CADM1: variants seen among roughly 807,000 people sequenced by gnomAD.
CADM1 encodes the protein TSLC-1.
Under a neutral mutation model 53.1 loss-of-function variants are expected in CADM1, and 15 were observed. The observed-to-expected ratio is 0.28, with a 90% confidence interval of 0.19 to 0.44. The LOEUF is 0.44. CADM1 is among the 20% of genes least tolerant of loss of function. CADM1 has a pLI of 1.00. For synonymous variants in CADM1, 281 were observed against 243.0 expected, an observed-to-expected ratio of 1.16 and a Z score of -1.45; for missense variants, 434 against 611.3, an observed-to-expected ratio of 0.71 and a Z score of 3.06.
At chr11:115,481,161 CAT>C (rs1949250261) in intron 1 of CADM1, among the ~76,000 whole-genome samples, 1 of 152,178 alleles carries the variant, frequency 6.6e-6, no homozygotes, top group African/African-American at 2.4e-5. Context: ...CCTCTTCAAA[CAT>C]GTGTCTACAG....
chr11:115,495,996 T>A (rs893453769), intron 1 of CADM1, among the ~76,000 whole-genome samples: 14 of 152,224 alleles, frequency 9.2e-5, no homozygotes, highest in Non-Finnish European at 1.6e-4. Flanking sequence ...CTTCACTTTT[T>A]GTCTGAAAGT....
chr11:115,375,519 G>C (rs1946416121), intron 1 of CADM1, among the ~76,000 whole-genome samples: 1 of 152,152 alleles, frequency 6.6e-6, no homozygotes, highest in Non-Finnish European at 1.5e-5. Context: ...AAATAGTTAA[G>C]AGTAGACTAC....
At chr11:115,188,896 T>C (rs1415030956) in intron 10 of CADM1, among the ~76,000 whole-genome samples, 2 of 120,546 alleles carry the variant, frequency 1.7e-5, no homozygotes, top group East Asian at 4.2e-4. Flanking sequence ...CAATTTTTAT[T>C]GGTTGTTTTT....
At chr11:115,369,796 TG>T (rs1946266964) in intron 1 of CADM1, among the ~76,000 whole-genome samples, 1 of 152,168 alleles carries the variant, frequency 6.6e-6, no homozygotes, top group African/African-American at 2.4e-5. Context: ...GCACTGTGTC[TG>T]ATCAGGCTTC....
intron 1 of CADM1, among the ~76,000 whole-genome samples, chr11:115,433,960 A>G (rs139203547): frequency 6.6e-6 from 1 of 152,332 alleles, no homozygotes; most frequent in East Asian, 1.9e-4. Context: ...AGCCCCCTGA[A>G]TTTATTAACC....
intron 1 of CADM1, among the ~76,000 whole-genome samples, chr11:115,426,035 C>T (rs983566668): frequency 2.6e-5 from 4 of 152,256 alleles, no homozygotes; most frequent in East Asian, 3.9e-4. Flanking sequence ...AGATGCAGCC[C>T]GACCTAAGAC....
intron 1 of CADM1, among the ~76,000 whole-genome samples, chr11:115,361,656 G>A (rs1282359332): frequency 1.3e-5 from 2 of 151,978 alleles, no homozygotes; most frequent in Non-Finnish European, 2.9e-5. Flanking sequence ...GTCTGTCTAG[G>A]CATATGCACA....
At position 115,198,446 on chromosome 11, in the gene CADM1, C is replaced by T. The variant is rs576496223; in HGVS notation, c.1079-8G>A. 10 of 1,593,974 alleles carry T rather than the reference C, an allele frequency of 6.3e-6. No homozygotes were observed. The highest frequency in any genetic ancestry group is 2.2e-5 in the South Asian group (2 of 90,048). ...CTGTCGTCGCCGTTGTGTCTACAGA[C>T]GGGAACAGAGGATTGGAGGAAGGGA... On this transcript the variant is annotated splice_region_variant and splice_polypyrimidine_tract_variant and intron_variant, in intron 8 of 11. Transcript: ENST00000331581.
intron 1 of CADM1, among the ~76,000 whole-genome samples, chr11:115,327,380 T>C (rs138603554): frequency 7.9e-5 from 12 of 152,338 alleles, no homozygotes; most frequent in Non-Finnish European, 1.2e-4. Context: ...CTGCTCACTC[T>C]ATCGGGTCCA....
chr11:115,296,587 C>T (rs1352211234), intron 1 of CADM1, among the ~76,000 whole-genome samples: 1 of 152,182 alleles, frequency 6.6e-6, no homozygotes, highest in Non-Finnish European at 1.5e-5. Context: ...GTCTGCATCT[C>T]CTTTGATCTT....
At chr11:115,491,450 A>C (rs1416721941) in intron 1 of CADM1, among the ~76,000 whole-genome samples, 5 of 151,964 alleles carry the variant, frequency 3.3e-5, no homozygotes, top group African/African-American at 7.3e-5. Context: ...CTGCAGTCCC[A>C]CCTACTCGGG....
chr11:115,445,563 G>A (rs1298218827), intron 1 of CADM1, among the ~76,000 whole-genome samples: 2 of 152,094 alleles, frequency 1.3e-5, no homozygotes, highest in Non-Finnish European at 2.9e-5. Flanking sequence ...AATTTAAGGG[G>A]CCAGGTTCAG....
Position 115,174,272 on chromosome 11 carries a change from TTTTTTTG to T in CADM1, c.*2195_*2201del, listed in dbSNP as rs1243270724. 3.2e-3 allele frequency: 1,835 copies of T among 568,684 alleles called. 14 individuals are homozygous for T. Among genetic ancestry groups the T allele is most frequent in the African/African-American group, 0.021 (1,081 of 50,574 alleles). The allele number at this position is 568,684 out of a possible 1,614,324, so 35.2% of individuals were successfully genotyped here. A position where few individuals can be genotyped will look rare whatever the true frequency, so the allele number is the denominator to read the frequency against. Reference sequence around the variant, plus strand: ...TTCTGTGAGCAATGGTGTGATTTTTTTTTTTTGTTTTTGTTTTTGTTTTTCTTTTTTT... The same window carrying T: ...TTCTGTGAGCAATGGTGTGATTTTTTTTTTTGTTTTTGTTTTTCTTTTTTT... On this transcript the variant is annotated 3_prime_UTR_variant, in exon 12 of 12. Transcript: ENST00000331581.
intron 1 of CADM1, among the ~76,000 whole-genome samples, chr11:115,454,929 C>G (rs536522536): frequency 1.6e-4 from 25 of 152,238 alleles, no homozygotes; most frequent in African/African-American, 5.5e-4. Context: ...AAATCATTTC[C>G]CTTTCTCTCC....
At chr11:115,261,793 T>C (rs939329981) in intron 1 of CADM1, among the ~76,000 whole-genome samples, 14 of 152,108 alleles carry the variant, frequency 9.2e-5, no homozygotes, top group African/African-American at 3.4e-4. Flanking sequence ...GATTTTTTTT[T>C]TTTTTTGACA....
intron 1 of CADM1, among the ~76,000 whole-genome samples, chr11:115,422,227 G>T (rs11215548): frequency 6.6e-6 from 1 of 152,246 alleles, no homozygotes; most frequent in East Asian, 1.9e-4. Flanking sequence ...GGAAAATGCC[G>T]CTCTCAGACA....
chr11:115,211,698 C>T (rs1940973665), intron 7 of CADM1, among the ~76,000 whole-genome samples: 1 of 150,406 alleles, frequency 6.6e-6, no homozygotes, highest in Non-Finnish European at 1.5e-5. Flanking sequence ...ACCATATTGG[C>T]CAGGCTGGTC....
At position 115,220,421 on chromosome 11, in the gene CADM1, T is replaced by C. The variant is rs1941361732; in HGVS notation, c.722-2430A>G. Among the ~76,000 whole-genome samples, 3 of 152,184 alleles carry C rather than the reference T, an allele frequency of 2.0e-5. No individual in the cohort carries two copies. In the South Asian group the frequency reaches 6.2e-4, roughly 32 times the overall value. On this transcript the variant is annotated intron_variant, in intron 5 of 11. Transcript: ENST00000331581. ...GATTTGTTATACCCAAAATTTATTT[T>C]AAAAACCATTTACTAAATCACAAAA... is the stretch of plus-strand genomic sequence containing the variant.
intron 1 of CADM1, among the ~76,000 whole-genome samples, chr11:115,457,321 C>T (rs1948702403): frequency 6.6e-6 from 1 of 152,156 alleles, no homozygotes; most frequent in Admixed American, 6.5e-5. Context: ...TAAAAGTGTG[C>T]ATTTTAACCA....
Sources: gnomAD v4.1 joint callset for allele counts (sites outside exome capture counted in the v4.1 genomes callset) on GRCh38, gnomAD v4.1.1 for gene constraint, MANE v1.5 for transcripts, NCBI Gene and HGNC (gene_info 2026-07-23, HGNC 2026-07-21) for gene names.